The following DYNC2H1 variants were observed in gnomAD, a reference collection of about 807,000 sequenced individuals.
The protein encoded by DYNC2H1 is cytoplasmic dynein 2 heavy chain 1.
DYNC2H1 carries 410 observed loss-of-function variants against 570.0 expected under a neutral mutation model. The ratio of observed to expected loss-of-function variants is 0.72; its 90% CI spans 0.66 to 0.78. DYNC2H1 has a LOEUF of 0.78. Among genes scored for constraint, DYNC2H1 ranks in the 30% least tolerant of loss-of-function variants. The pLI, the probability that DYNC2H1 is intolerant of heterozygous loss-of-function variation, is 0.00. For missense variants in DYNC2H1, 4,865 were observed against 5,046.4 expected, an observed-to-expected ratio of 0.96 and a Z score of 1.09; for synonymous variants, 1,688 against 1,677.6, an observed-to-expected ratio of 1.01 and a Z score of -0.15.
rs1179038417 is a variant in DYNC2H1, at chr11:103,461,954, G to A, written c.12648+5598G>A. ...AAATATTTTTTTTCTTAAATATAAT[G>A]TATTATCACAAATATCAAAATTAAA... On this transcript the variant is annotated intron_variant, in intron 87 of 88. Coordinates refer to ENST00000375735, the MANE Select transcript of DYNC2H1 (RefSeq NM_001377.3). The surrounding 1 kb of genome is among the most constrained non-coding windows in gnomAD (Gnocchi z 4.8). Among the ~76,000 whole-genome samples, 1 of 151,690 alleles carries A rather than the reference G, an allele frequency of 6.6e-6. No homozygotes were observed. Among genetic ancestry groups the A allele is most frequent in the Non-Finnish European group, 1.5e-5 (1 of 67,940 alleles).
At chr11:103,303,376 C>A in intron 76 of DYNC2H1, 123 bp downstream of exon 76, 2 of 1,045,364 alleles carry the variant, frequency 1.9e-6, no homozygotes, top group East Asian at 2.6e-5. Context: ...ATGTCTATGT[C>A]CTAATCCTCA....
chr11:103,120,924 G>A lies in DYNC2H1; in HGVS notation c.1249-1G>A. The A allele has an allele frequency of 6.8e-7, 1 of 1,481,402 alleles. No homozygotes were observed. Among genetic ancestry groups the A allele is most frequent in the Non-Finnish European group, 9.0e-7 (1 of 1,115,760 alleles). The allele number at this position is 1,481,402 out of a possible 1,614,324, so 91.8% of individuals were successfully genotyped here. On this transcript the variant is annotated splice_acceptor_variant, in intron 8 of 88. Transcript: ENST00000375735. LOFTEE classifies it high-confidence loss of function. ...CATGTACTTATTTTATTTTATATTA[G>A]CTTCTTCAAGCATTCCTGAAATATA...
At chr11:103,464,800 A>G (rs1443206242) in intron 87 of DYNC2H1, among the ~76,000 whole-genome samples, 1 of 152,214 alleles carries the variant, frequency 6.6e-6, no homozygotes, top group Non-Finnish European at 1.5e-5. Context: ...CAATGAAAGC[A>G]ATATTGAAAC....
intron 83 of DYNC2H1, among the ~76,000 whole-genome samples, chr11:103,379,247 C>G (rs1031991938): frequency 6.6e-5 from 10 of 152,222 alleles, no homozygotes; most frequent in African/African-American, 2.2e-4. Context: ...CCAACACTTT[C>G]TTTCTGCCAG....
intron 82 of DYNC2H1, among the ~76,000 whole-genome samples, chr11:103,335,778 T>C (rs534943472): frequency 6.6e-6 from 1 of 152,172 alleles, no homozygotes; most frequent in African/African-American, 2.4e-5. Flanking sequence ...TAATGATTTT[T>C]ATACTTCTTG....
intron 83 of DYNC2H1, among the ~76,000 whole-genome samples, chr11:103,371,927 G>GTTTTTTTTTTTTTTTTTTTTTTTT (rs60335910): frequency 8.8e-5 from 6 of 67,896 alleles, no homozygotes; most frequent in African/African-American, 2.0e-4. Context: ...TCCCATTTGG[G>GTTTTTTTTTTTTTTTTTTTTTTTT]TTTTTTTTTT....
At chr11:103,393,963 T>C (rs766457966) in intron 83 of DYNC2H1, among the ~76,000 whole-genome samples, 12 of 152,122 alleles carry the variant, frequency 7.9e-5, no homozygotes, top group Non-Finnish European at 1.2e-4. Context: ...ACCCCTATTA[T>C]TCAATTACCT....
At position 103,420,708 on chromosome 11, in the gene DYNC2H1, AC is replaced by A. The variant is rs573227769; in HGVS notation, c.12367-15234del. Among the ~76,000 whole-genome samples, 191 of 152,354 alleles carry A rather than the reference AC, an allele frequency of 1.3e-3. 1 individual carries two copies. Among genetic ancestry groups the A allele is most frequent in the Non-Finnish European group, 2.1e-3 (146 of 68,024 alleles). On this transcript the variant is annotated intron_variant, in intron 84 of 88. Transcript: ENST00000375735. Reference sequence around the variant, plus strand: ...AATTGGTCATCACCAGGCCTGCCTTACAAAAGCTCCTGCAGGAAGCACTAAA... The same window carrying A: ...AATTGGTCATCACCAGGCCTGCCTTAAAAAGCTCCTGCAGGAAGCACTAAA...
chr11:103,378,715 T>G (rs894682467), intron 83 of DYNC2H1, among the ~76,000 whole-genome samples: 2 of 152,236 alleles, frequency 1.3e-5, no homozygotes, highest in African/African-American at 4.8e-5. Context: ...TTCTGAGGAT[T>G]TTTACATCTG....
intron 1 of DYNC2H1, among the ~76,000 whole-genome samples, chr11:103,111,889 C>T (rs1457652021): frequency 2.6e-5 from 4 of 152,090 alleles, no homozygotes; most frequent in Non-Finnish European, 5.9e-5. Flanking sequence ...CCTACTAGTA[C>T]TGGGGACAAA....
At chr11:103,227,173 A>G (rs1295618863) in intron 59 of DYNC2H1, among the ~76,000 whole-genome samples, 1 of 149,526 alleles carries the variant, frequency 6.7e-6, no homozygotes, top group Non-Finnish European at 1.5e-5. Flanking sequence ...TTTTTGTTTC[A>G]ATTTCATTTA....
intron 40 of DYNC2H1, among the ~76,000 whole-genome samples, chr11:103,183,737 ATCTGGAAC>A (rs1383800732): frequency 2.0e-5 from 3 of 151,862 alleles, no homozygotes; most frequent in Non-Finnish European, 4.4e-5. Context: ...CACCTTTAAA[ATCTGGAAC>A]TCTCAGTATG....
At chr11:103,389,868 G>T (rs938763671) in intron 83 of DYNC2H1, among the ~76,000 whole-genome samples, 2 of 152,092 alleles carry the variant, frequency 1.3e-5, no homozygotes, top group Non-Finnish European at 2.9e-5. Flanking sequence ...GAGACAGTTT[G>T]TTATAATTTC....
intron 75 of DYNC2H1, among the ~76,000 whole-genome samples, chr11:103,291,559 G>A (rs1461897628): frequency 6.6e-6 from 1 of 152,164 alleles, no homozygotes; most frequent in Admixed American, 6.5e-5. Context: ...TTCTGTAAAT[G>A]TCTGTTATGT....
chr11:103,162,926 A>G, intron 29 of DYNC2H1, 102 bp from the exon 30 acceptor site: 2 of 1,004,138 alleles, frequency 2.0e-6, no homozygotes, highest in Non-Finnish European at 1.4e-6. Flanking sequence ...TTGAAATAAC[A>G]GTATAGAGTT....
chr11:103,389,694 G>C (rs200729595), intron 83 of DYNC2H1, among the ~76,000 whole-genome samples: 3 of 151,352 alleles, frequency 2.0e-5, no homozygotes, highest in African/African-American at 7.3e-5. Context: ...CTGGTATGTT[G>C]TGTCTTTGTT....
intron 84 of DYNC2H1, among the ~76,000 whole-genome samples, chr11:103,430,086 AC>A (rs1421459498): frequency 6.6e-6 from 1 of 152,178 alleles, no homozygotes; most frequent in Non-Finnish European, 1.5e-5. Context: ...TATTATTTTT[AC>A]CAGTGGGATA....
rs539406012 is a variant in DYNC2H1 at position 103,380,969 on chromosome 11, A to G, written c.12157-18694A>G. Among the ~76,000 whole-genome samples the G allele has an allele frequency of 3.9e-5, 6 of 152,340 alleles. No homozygotes were observed. In the South Asian group the frequency reaches 1.0e-3, roughly 26 times the overall value. ...TGTTGCCGATAGAACTAGGTTGGAA[A>G]GGGGTTAATATCATGCTGGAGTGCT... On this transcript the variant is annotated intron_variant, in intron 83 of 88. Coordinates refer to ENST00000375735, the MANE Select transcript of DYNC2H1 (RefSeq NM_001377.3).
chr11:103,370,260 G>A (rs1034360933), intron 83 of DYNC2H1, among the ~76,000 whole-genome samples: 1 of 151,706 alleles, frequency 6.6e-6, no homozygotes, highest in Admixed American at 6.5e-5. Context: ...GAAAGGAGAA[G>A]GACTGAATTT....
Sources: allele counts gnomAD v4.1 joint callset (sites outside exome capture counted in the v4.1 genomes callset), GRCh38; gene constraint gnomAD v4.1.1; non-coding constraint Gnocchi (gnomAD v3.1); transcripts MANE v1.5; gene names NCBI Gene and HGNC (gene_info 2026-07-23, HGNC 2026-07-21).